DDX10: variants seen among roughly 807,000 people sequenced by gnomAD.
DDX10 encodes the protein probable ATP-dependent RNA helicase DDX10.
DDX10 carries 74 observed loss-of-function variants against 104.3 expected under a neutral mutation model. The ratio of observed to expected loss-of-function variants is 0.71; its 90% confidence interval spans 0.59 to 0.86. DDX10 has a LOEUF of 0.86. DDX10 is among the 40% of genes least tolerant of loss of function. The pLI is 0.00. For synonymous variants in DDX10, 351 were observed against 353.4 expected (o/e 0.99, Z 0.08); for missense variants, 952 against 1,040.0 (o/e 0.92, Z 1.16).
At chr11:108,771,305 G>A (rs922731652) in intron 13 of DDX10, among the ~76,000 whole-genome samples, 2 of 151,896 alleles carry the variant, frequency 1.3e-5, no homozygotes, top group African/African-American at 4.8e-5. Flanking sequence ...CTGTGGGGGT[G>A]TCTCTTTACT....
chr11:108,846,052 G>A (rs1164557017), intron 15 of DDX10, among the ~76,000 whole-genome samples: 2 of 152,106 alleles, frequency 1.3e-5, no homozygotes, highest in Non-Finnish European at 2.9e-5. Flanking sequence ...TGTGATTCAA[G>A]TAAATCTTTG....
Position 108,940,486 on chromosome 11 carries a change from A to G in DDX10, c.*63A>G. On this transcript the variant is annotated 3_prime_UTR_variant, in exon 18 of 18. Transcript: ENST00000322536. ...TATGACTGCGTAGGCAAGAAGTTGA[A>G]AAACAGTTGATTTGGGGGCACTTAG... 6.4e-7 allele frequency: 1 copy of G among 1,561,994 alleles called. No homozygotes were observed. The highest frequency in any genetic ancestry group is 8.7e-7 in the Non-Finnish European group (1 of 1,151,346).
At chr11:108,754,759 G>A (rs939821666) in intron 13 of DDX10, among the ~76,000 whole-genome samples, 1 of 151,944 alleles carries the variant, frequency 6.6e-6, no homozygotes, top group African/African-American at 2.4e-5. Flanking sequence ...ACTTTAGTTA[G>A]CCTGGGAAAT....
At position 108,678,390 on chromosome 11, in the gene DDX10, A is replaced by G. The variant is rs1031608845; in HGVS notation, c.613A>G (p.Met205Val). 4 of 1,613,324 alleles carry G rather than the reference A, an allele frequency of 2.5e-6. No homozygotes were observed. Among genetic ancestry groups the G allele is most frequent in the Non-Finnish European group, 2.5e-6 (3 of 1,179,646 alleles). The change falls in exon 5 of 18, where the codon ATG becomes GTG. Residue 205 changes from methionine to valine, a missense_variant. Met to Val is a conservative substitution (Grantham distance 21, BLOSUM62 1). This residue lies in a region of DDX10 where 412 missense variants were observed against 479.2 expected (regional missense o/e 0.86). Coordinates refer to ENST00000322536, the MANE Select transcript of DDX10 (RefSeq NM_004398.4). The stretch of plus-strand genomic sequence containing the variant: ...CACACCAGGTCGGCTTCTTCAACAC[A>G]TGGATGAAACAGTATCTTTTCATGC... ...VCTPGRLLQH[M>V]DETVSFHATD...
chr11:108,691,857 T>G lies in DDX10; in HGVS notation c.976-19T>G. ...TGCCATCTGCCATAAGCAAACTTAT[T>G]CTTCTGTTGATGCCCCAGGTCCAGT... On this transcript the variant is annotated intron_variant, in intron 7 of 17. Transcript: ENST00000322536. 6.2e-7 allele frequency: 1 copy of G among 1,607,202 alleles called. No individual in the cohort carries two copies. The highest frequency in any genetic ancestry group is 8.5e-7 in the Non-Finnish European group (1 of 1,176,736).
At chr11:108,752,861 C>T (rs766815579) in intron 13 of DDX10, among the ~76,000 whole-genome samples, 4 of 152,038 alleles carry the variant, frequency 2.6e-5, no homozygotes, top group East Asian at 1.9e-4. Flanking sequence ...TTATATTCCT[C>T]GGAGATTAAA....
intron 13 of DDX10, among the ~76,000 whole-genome samples, chr11:108,793,648 T>G (rs1861900589): frequency 6.6e-6 from 1 of 152,154 alleles, no homozygotes; most frequent in African/African-American, 2.4e-5. Context: ...GTACTGACCT[T>G]GTATCTTGTG....
intron 13 of DDX10, among the ~76,000 whole-genome samples, chr11:108,811,328 T>G (rs1375642707): frequency 1.3e-5 from 2 of 152,140 alleles, no homozygotes; most frequent in Non-Finnish European, 2.9e-5. Context: ...GGTCAGCATA[T>G]TGGAATGGGC....
intron 16 of DDX10, among the ~76,000 whole-genome samples, chr11:108,888,511 G>A (rs1322672533): frequency 1.3e-5 from 2 of 152,138 alleles, no homozygotes; most frequent in African/African-American, 2.4e-5. Context: ...GTCAGATATA[G>A]TTGTTAATAT....
At chr11:108,751,790 A>G (rs1021949347) in intron 13 of DDX10, among the ~76,000 whole-genome samples, 19 of 152,222 alleles carry the variant, frequency 1.2e-4, no homozygotes, top group African/African-American at 4.6e-4. Context: ...ACATTTGGCA[A>G]GTCAATCTTC....
chr11:108,933,062 G>A (rs1468790534), intron 17 of DDX10, among the ~76,000 whole-genome samples: 1 of 151,926 alleles, frequency 6.6e-6, no homozygotes, highest in Non-Finnish European at 1.5e-5. Context: ...CGTTATTCAA[G>A]GGGTAGGGGC....
intron 13 of DDX10, among the ~76,000 whole-genome samples, chr11:108,777,603 G>A (rs976867775): frequency 1.3e-5 from 2 of 152,200 alleles, no homozygotes; most frequent in African/African-American, 4.8e-5. Flanking sequence ...GATTACAGGT[G>A]TGAGCCACCA....
intron 13 of DDX10, among the ~76,000 whole-genome samples, chr11:108,762,768 C>T (rs2094352203): frequency 6.6e-6 from 1 of 152,150 alleles, no homozygotes; most frequent in African/African-American, 2.4e-5. Flanking sequence ...TTTTTACCCT[C>T]ACATTTATAA....
chr11:108,931,002 C>T (rs1863969240), intron 17 of DDX10, among the ~76,000 whole-genome samples: 1 of 152,282 alleles, frequency 6.6e-6, no homozygotes, highest in South Asian at 2.1e-4. Flanking sequence ...GGACCCAGAA[C>T]CTCTCTTCCC....
intron 9 of DDX10, among the ~76,000 whole-genome samples, chr11:108,704,940 A>G (rs1565252823): frequency 6.6e-6 from 1 of 152,198 alleles, no homozygotes; most frequent in African/African-American, 2.4e-5. Context: ...AATGTCGGAC[A>G]AATTCCTAAT....
chr11:108,848,963 C>T (rs1398968952), intron 15 of DDX10, among the ~76,000 whole-genome samples: 1 of 152,146 alleles, frequency 6.6e-6, no homozygotes, highest in East Asian at 1.9e-4. Flanking sequence ...AAGGATTTAA[C>T]TAGTGAATCA....
At chr11:108,800,536 T>C (rs1862006963) in intron 13 of DDX10, among the ~76,000 whole-genome samples, 2 of 152,120 alleles carry the variant, frequency 1.3e-5, no homozygotes, top group African/African-American at 4.8e-5. Context: ...TGTTTCTTGT[T>C]ACCTGTGTGG....
At chr11:108,777,775 G>A (rs1316620008) in intron 13 of DDX10, among the ~76,000 whole-genome samples, 3 of 152,210 alleles carry the variant, frequency 2.0e-5, no homozygotes, top group African/African-American at 7.2e-5. Flanking sequence ...CGGATGACAT[G>A]ATTGTATGTT....
intron 16 of DDX10, among the ~76,000 whole-genome samples, chr11:108,907,808 A>G (rs991521129): frequency 3.9e-5 from 6 of 152,260 alleles, no homozygotes; most frequent in African/African-American, 9.6e-5. Context: ...CAAAGGATCA[A>G]GTATATAAAT....
Sources: gnomAD v4.1 joint callset for allele counts (sites outside exome capture counted in the v4.1 genomes callset) on GRCh38, gnomAD v4.1.1 for gene constraint, gnomAD v4.1.1 regional missense constraint, MANE v1.5 for transcripts, NCBI Gene and HGNC (gene_info 2026-07-23, HGNC 2026-07-21) for gene names.